FHOD3: variants seen among roughly 807,000 people sequenced by gnomAD.
FHOD3 encodes the protein FH1/FH2 domain-containing protein 3.
FHOD3 carries 90 observed loss-of-function variants against 173.0 expected under a neutral mutation model. The observed-to-expected ratio is 0.52, with a 90% CI of 0.44 to 0.62. The LOEUF is 0.62. Among genes scored for constraint, FHOD3 ranks in the 20% least tolerant of loss-of-function variants. The pLI is 0.00. For missense variants in FHOD3, 1,945 were observed against 2,034.7 expected (o/e 0.96, Z 0.85); for synonymous variants, 828 against 823.0 (o/e 1.01, Z -0.10).
At chr18:36,453,992 TA>T (rs1433370049) in intron 3 of FHOD3, among the ~76,000 whole-genome samples, 1 of 152,166 alleles carries the variant, frequency 6.6e-6, no homozygotes, top group Admixed American at 6.5e-5. Flanking sequence ...ATATTTAAAA[TA>T]AAAAAATTAT....
chr18:36,369,624 T>A (rs1156993378), intron 2 of FHOD3, among the ~76,000 whole-genome samples: 2 of 152,098 alleles, frequency 1.3e-5, no homozygotes, highest in Admixed American at 6.6e-5. Flanking sequence ...ATATGTTATA[T>A]ACATGTAAAA....
chr18:36,582,474 A>G (rs1204853500), intron 6 of FHOD3, among the ~76,000 whole-genome samples: 1 of 152,238 alleles, frequency 6.6e-6, no homozygotes, highest in African/African-American at 2.4e-5. Flanking sequence ...TAGGTTGCCC[A>G]GGAATACTGT....
chr18:36,518,949 G>T (rs1221767231), intron 5 of FHOD3, among the ~76,000 whole-genome samples: 1 of 152,190 alleles, frequency 6.6e-6, no homozygotes, highest in Non-Finnish European at 1.5e-5. Context: ...CTGCCCAGGA[G>T]TATGGTCAGG....
chr18:36,630,109 G>T (rs931321047), intron 10 of FHOD3, among the ~76,000 whole-genome samples: 3 of 152,128 alleles, frequency 2.0e-5, no homozygotes, highest in Non-Finnish European at 4.4e-5. Context: ...GAGTGTTTTG[G>T]CTATTGGAAA....
chr18:36,587,942 A>G (rs1016174970), intron 6 of FHOD3, among the ~76,000 whole-genome samples: 1 of 152,198 alleles, frequency 6.6e-6, no homozygotes, highest in African/African-American at 2.4e-5. Flanking sequence ...TGCAAATTGC[A>G]TTGTGTCATA....
intron 1 of FHOD3, among the ~76,000 whole-genome samples, chr18:36,326,834 G>A (rs2044693399): frequency 6.6e-6 from 1 of 152,156 alleles, no homozygotes; most frequent in South Asian, 2.1e-4. Flanking sequence ...TACTTGGTTT[G>A]TGAAAAAGTC....
At chr18:36,430,781 T>G (rs1196589230) in intron 3 of FHOD3, among the ~76,000 whole-genome samples, 1 of 152,176 alleles carries the variant, frequency 6.6e-6, no homozygotes, top group East Asian at 1.9e-4. Flanking sequence ...TGCAAGAGAC[T>G]CTTGTAAATA....
chr18:36,600,580 A>G (rs1337432902), intron 7 of FHOD3, among the ~76,000 whole-genome samples: 34 of 152,226 alleles, frequency 2.2e-4, no homozygotes, highest in Admixed American at 2.2e-3. Context: ...CTTAGATGGT[A>G]ATAAGAGACT....
At chr18:36,397,079 G>A (rs1255956795) in intron 3 of FHOD3, among the ~76,000 whole-genome samples, 1 of 152,136 alleles carries the variant, frequency 6.6e-6, no homozygotes, top group East Asian at 1.9e-4. Context: ...ATCCCTGGGG[G>A]CCAGTTTTAA....
At chr18:36,626,706 A>G (rs1006252099) in intron 10 of FHOD3, among the ~76,000 whole-genome samples, 71 of 152,220 alleles carry the variant, frequency 4.7e-4, no homozygotes, top group African/African-American at 1.6e-3. Flanking sequence ...CATCATAGAG[A>G]TCCTCCTGGG....
At chr18:36,340,582 G>GTT (rs33949867) in intron 1 of FHOD3, among the ~76,000 whole-genome samples, 21,084 of 144,424 alleles carry the variant, frequency 0.15, 1,906 homozygotes, top group South Asian at 0.34. Flanking sequence ...GCTTTCTCTT[G>GTT]TTTTTTTTTT....
intron 3 of FHOD3, among the ~76,000 whole-genome samples, chr18:36,429,130 C>T (rs941175029): frequency 1.3e-5 from 2 of 152,096 alleles, no homozygotes; most frequent in Admixed American, 6.5e-5. Flanking sequence ...ATTGTTTTCC[C>T]CAGAAGTCCC....
intron 3 of FHOD3, among the ~76,000 whole-genome samples, chr18:36,381,796 C>T (rs887346811): frequency 1.3e-5 from 2 of 152,220 alleles, no homozygotes; most frequent in Non-Finnish European, 2.9e-5. Flanking sequence ...TTCCTTTGCC[C>T]TGTTCTCAGG....
intron 15 of FHOD3, among the ~76,000 whole-genome samples, chr18:36,686,900 A>G (rs1481759109): frequency 1.3e-5 from 2 of 152,238 alleles, no homozygotes; most frequent in African/African-American, 2.4e-5. Flanking sequence ...GGTGAATCCA[A>G]TAATCCTATG....
At chr18:36,443,743 T>C (rs2051289021) in intron 3 of FHOD3, among the ~76,000 whole-genome samples, 1 of 152,304 alleles carries the variant, frequency 6.6e-6, no homozygotes, top group African/African-American at 2.4e-5. Flanking sequence ...TATATACAAA[T>C]ATATGCATAT....
At chr18:36,377,640 G>A (rs1330817166) in intron 3 of FHOD3, among the ~76,000 whole-genome samples, 2 of 152,220 alleles carry the variant, frequency 1.3e-5, no homozygotes, top group Non-Finnish European at 2.9e-5. Flanking sequence ...CCTGAATGGT[G>A]ATGCGTGTGT....
chr18:36,665,370 A>T (rs1202366528), intron 14 of FHOD3, among the ~76,000 whole-genome samples: 1 of 152,236 alleles, frequency 6.6e-6, no homozygotes, highest in Non-Finnish European at 1.5e-5. Context: ...GAAGCAGAAG[A>T]TGAGCAAATC....
intron 8 of FHOD3, among the ~76,000 whole-genome samples, chr18:36,608,372 G>A (rs2065346312): frequency 6.6e-6 from 1 of 152,174 alleles, no homozygotes; most frequent in South Asian, 2.1e-4. Flanking sequence ...CATTTACCAG[G>A]AAACTACTCC....
At chr18:36,775,841 G>A (rs950988109) in intron 28 of FHOD3, among the ~76,000 whole-genome samples, 1 of 152,192 alleles carries the variant, frequency 6.6e-6, no homozygotes, top group African/African-American at 2.4e-5. Context: ...TGTGGCTGCT[G>A]GTGCCTTCAG....
Sources: gnomAD v4.1 joint callset for allele counts (sites outside exome capture counted in the v4.1 genomes callset) on GRCh38, gnomAD v4.1.1 for gene constraint, MANE v1.5 for transcripts, NCBI Gene and HGNC (gene_info 2026-07-23, HGNC 2026-07-21) for gene names.